The following UNC5C variants were observed in gnomAD, a reference collection of about 807,000 sequenced individuals.
The protein encoded by UNC5C is netrin receptor UNC5C.
In UNC5C, 47 loss-of-function variants were observed where a neutral mutation model predicts 99.8. The ratio of observed to expected loss-of-function variants is 0.47; its 90% CI spans 0.37 to 0.60. The LOEUF is 0.60. Ranked by LOEUF, UNC5C falls within the 20% of genes least tolerant of loss-of-function variation. The probability of loss-of-function intolerance (pLI) is 0.00; values close to 1 mark genes in which losing one functional copy is unlikely to be tolerated. For synonymous variants in UNC5C, 487 were observed against 452.2 expected (o/e 1.08, Z -0.98); for missense variants, 1,062 against 1,165.9 (o/e 0.91, Z 1.30).
At chr4:95,206,527 C>T (rs1442393761) in intron 11 of UNC5C, 101 bp downstream of exon 11, 6 of 1,531,596 alleles carry the variant, frequency 3.9e-6, no homozygotes, top group Admixed American at 3.7e-5. Context: ...GCTAAAATTC[C>T]ACTCATGTTT....
At chr4:95,292,345 C>A (rs1270012257) in intron 3 of UNC5C, among the ~76,000 whole-genome samples, 1 of 150,916 alleles carries the variant, frequency 6.6e-6, no homozygotes, top group Non-Finnish European at 1.5e-5. Flanking sequence ...TCTCAGCTCA[C>A]CGCAAGCTCT....
At chr4:95,511,272 C>CG (rs1227477930) in intron 1 of UNC5C, among the ~76,000 whole-genome samples, 3 of 144,554 alleles carry the variant, frequency 2.1e-5, no homozygotes, top group Non-Finnish European at 3.0e-5. Flanking sequence ...TTGTATTTGT[C>CG]GGGGGGTTCT....
At chr4:95,276,563 A>G (rs1420901868) in intron 4 of UNC5C, among the ~76,000 whole-genome samples, 4 of 152,210 alleles carry the variant, frequency 2.6e-5, no homozygotes, top group Admixed American at 2.6e-4. Context: ...GATGCCATGG[A>G]TACCCATGTT....
chr4:95,532,449 TA>T (rs372395809), intron 1 of UNC5C, among the ~76,000 whole-genome samples: 2,993 of 141,302 alleles, frequency 0.021, 70 homozygotes, highest in African/African-American at 0.058. Flanking sequence ...CCAACATCAT[TA>T]AAAAAAAAAA....
chr4:95,255,172 G>A lies in UNC5C; in HGVS notation c.595-4505C>T, dbSNP rs549235198. Among the ~76,000 whole-genome samples the A allele has an allele frequency of 2.6e-5, 4 of 151,900 alleles. No individual in the cohort carries two copies. In the South Asian group the frequency reaches 8.3e-4, roughly 32 times the overall value. ...TTTTTGTATTTTTAGTAGAAATAGG[G>A]TTTCACCATGTTGGCCAGGCTAGTT... On this transcript the variant is annotated intron_variant, in intron 4 of 15. Coordinates refer to ENST00000453304, the MANE Select transcript of UNC5C (RefSeq NM_003728.4).
At chr4:95,498,937 C>T (rs989556683) in intron 1 of UNC5C, among the ~76,000 whole-genome samples, 1 of 152,006 alleles carries the variant, frequency 6.6e-6, no homozygotes. Context: ...TCCAAACGTA[C>T]TTGTGCTTAA....
chr4:95,386,861 C>T (rs1434505762), intron 1 of UNC5C, among the ~76,000 whole-genome samples: 4 of 152,064 alleles, frequency 2.6e-5, no homozygotes, highest in Non-Finnish European at 5.9e-5. Flanking sequence ...CCATGAAGAT[C>T]TTTTTGTGGT....
In UNC5C at chr4:95,183,035, A is replaced by G. The variant is rs555831498; in HGVS notation, c.2313T>C (p.Ser771=). 30 of 1,609,186 alleles carry G rather than the reference A, an allele frequency of 1.9e-5. No homozygotes were observed. The highest frequency in any genetic ancestry group is 3.3e-5 in the South Asian group (3 of 90,762). ...YQEIPFYHVW[S]GSQRNLHCTF... Reference sequence around the variant, plus strand: ...TGCAGTGCAGGTTTCTTTGAGATCCACTCCAAACATGGTAAAATGGAATTT... The same window carrying G: ...TGCAGTGCAGGTTTCTTTGAGATCCGCTCCAAACATGGTAAAATGGAATTT... The change falls in exon 14 of 16, where the codon AGT becomes AGC. Residue 771 remains serine, a synonymous_variant. Coordinates refer to ENST00000453304, the MANE Select transcript of UNC5C (RefSeq NM_003728.4).
chr4:95,246,967 A>G (rs1244547245), intron 5 of UNC5C, among the ~76,000 whole-genome samples: 1 of 152,008 alleles, frequency 6.6e-6, no homozygotes, highest in African/African-American at 2.4e-5. Flanking sequence ...ATTTGAACTC[A>G]GGAGACAGAA....
At chr4:95,432,593 G>A (rs530839076) in intron 1 of UNC5C, among the ~76,000 whole-genome samples, 7 of 152,156 alleles carry the variant, frequency 4.6e-5, no homozygotes, top group African/African-American at 1.7e-4. Context: ...TGGAAAAGCA[G>A]AATTCACAGT....
chr4:95,430,251 T>A (rs1578159144), intron 1 of UNC5C, among the ~76,000 whole-genome samples: 1 of 152,188 alleles, frequency 6.6e-6, no homozygotes, highest in East Asian at 1.9e-4. Flanking sequence ...AGGCTATGCA[T>A]ATGTGGGAGG....
intron 1 of UNC5C, among the ~76,000 whole-genome samples, chr4:95,471,302 A>G (rs140227897): frequency 2.0e-4 from 30 of 152,276 alleles, no homozygotes; most frequent in Non-Finnish European, 3.4e-4. Flanking sequence ...TGGATTATAT[A>G]CTTCATGTAA....
At chr4:95,452,004 C>T (rs566225200) in intron 1 of UNC5C, among the ~76,000 whole-genome samples, 2 of 152,018 alleles carry the variant, frequency 1.3e-5, no homozygotes, top group Non-Finnish European at 2.9e-5. Flanking sequence ...AGCAACCAAA[C>T]AATTTAAAGA....
At position 95,337,352 on chromosome 4, in the gene UNC5C, G is replaced by C. The variant is rs1743390741; in HGVS notation, c.125-1721C>G. Among the ~76,000 whole-genome samples, 3 of 151,858 alleles carry C rather than the reference G, an allele frequency of 2.0e-5. No individual in the cohort carries two copies. The South Asian group carries it at 6.2e-4, about 31-fold the overall frequency. ...GTTTCAGAAGGTAAAACTTGAAAAG[G>C]AATGATTGCAAGATACAGATGATTG... On this transcript the variant is annotated intron_variant, in intron 1 of 15. Coordinates refer to ENST00000453304, the MANE Select transcript of UNC5C (RefSeq NM_003728.4).
chr4:95,469,808 A>T (rs932787913), intron 1 of UNC5C, among the ~76,000 whole-genome samples: 1 of 152,156 alleles, frequency 6.6e-6, no homozygotes, highest in African/African-American at 2.4e-5. Context: ...GAAAATAAAC[A>T]TGTGGGAACC....
chr4:95,183,957 G>A (rs973722561), intron 13 of UNC5C, among the ~76,000 whole-genome samples: 3 of 152,068 alleles, frequency 2.0e-5, no homozygotes, highest in East Asian at 3.9e-4. Context: ...GTAAGCATTC[G>A]GCCAGGCTTA....
chr4:95,181,205 C>CTGACA (rs1229389726), intron 14 of UNC5C, among the ~76,000 whole-genome samples: 4 of 152,202 alleles, frequency 2.6e-5, no homozygotes, highest in Non-Finnish European at 5.9e-5. Context: ...GCAGATGCCT[C>CTGACA]TGACATGACT....
chr4:95,189,704 A>C (rs1343755148), intron 12 of UNC5C, among the ~76,000 whole-genome samples: 1 of 152,236 alleles, frequency 6.6e-6, no homozygotes, highest in Non-Finnish European at 1.5e-5. Context: ...ACTTCTCAAA[A>C]GAAGACATTT....
At chr4:95,231,813 T>G (rs982998623) in intron 7 of UNC5C, among the ~76,000 whole-genome samples, 3 of 152,182 alleles carry the variant, frequency 2.0e-5, no homozygotes, top group African/African-American at 7.2e-5. Context: ...AATTTACCAC[T>G]CTTCTGAGGG....
Sources: gnomAD v4.1 joint callset for allele counts (sites outside exome capture counted in the v4.1 genomes callset) on GRCh38, gnomAD v4.1.1 for gene constraint, MANE v1.5 for transcripts, NCBI Gene and HGNC (gene_info 2026-07-23, HGNC 2026-07-21) for gene names.